Variants in NDRG1 observed in about 807,000 individuals in gnomAD.
NDRG1 encodes N-myc downstream regulated 1, also known as protein NDRG1.
A neutral mutation model predicts 56.9 loss-of-function variants in NDRG1; 32 were observed. That is an observed-to-expected ratio of 0.56 (90% CI 0.42 to 0.76). The LOEUF is 0.76. NDRG1 is among the 30% of genes least tolerant of loss of function. NDRG1 has a pLI of 0.00. For missense variants in NDRG1, 507 were observed against 545.7 expected, an observed-to-expected ratio of 0.93 and a Z score of 0.71; for synonymous variants, 211 against 204.1, an observed-to-expected ratio of 1.03 and a Z score of -0.29.
At chr8:133,260,504 C>G (rs1049516568) in intron 5 of NDRG1, among the ~76,000 whole-genome samples, 2 of 152,148 alleles carry the variant, frequency 1.3e-5, no homozygotes, top group East Asian at 1.9e-4. Flanking sequence ...AATAAAAATT[C>G]CTGGGGGTGG....
chr8:133,255,828 C>T (rs926368122), intron 8 of NDRG1: 1 of 159,762 alleles, frequency 6.3e-6, no homozygotes, highest in African/African-American at 2.4e-5. Context: ...GCTTGAAAGA[C>T]TCTGTCCTAT....
At chr8:133,248,569 G>A in intron 11 of NDRG1, 146 bp downstream of exon 11, 2 of 1,002,520 alleles carry the variant, frequency 2.0e-6, no homozygotes, top group South Asian at 1.3e-5. Flanking sequence ...AGTCAGGCTG[G>A]GTAATGCTCA....
intron 1 of NDRG1, among the ~76,000 whole-genome samples, chr8:133,292,270 T>TC (rs921567198): frequency 1.1e-4 from 17 of 152,188 alleles, no homozygotes; most frequent in African/African-American, 3.9e-4. Flanking sequence ...GAACCCTTTG[T>TC]CCCGAGATGG....
In NDRG1 at chr8:133,239,198, A is replaced by G. The variant is rs1475324199; in HGVS notation, c.944-79T>C. The G allele has an allele frequency of 3.9e-6, 6 of 1,541,044 alleles. No individual in the cohort carries two copies. In the East Asian group the frequency reaches 1.5e-4, roughly 38 times the overall value. On this transcript the variant is annotated intron_variant, in intron 15 of 15. Transcript: ENST00000323851. Reference sequence around the variant, plus strand: ...CCAGGCATGCCCGTCCACCAGCCACATGCTCTTCTACGTGCCAGCCCCAGA... The same window carrying G: ...CCAGGCATGCCCGTCCACCAGCCACGTGCTCTTCTACGTGCCAGCCCCAGA...
At chr8:133,248,566 C>T in intron 11 of NDRG1, 149 bp downstream of exon 11, 1 of 982,154 alleles carries the variant, frequency 1.0e-6, no homozygotes. Flanking sequence ...CCAAGTCAGG[C>T]TGGGTAATGC....
At position 133,259,016 on chromosome 8, in the gene NDRG1, A is replaced by G; in HGVS notation, c.389+152T>C. 4 of 791,402 alleles carry G rather than the reference A, an allele frequency of 5.1e-6. No homozygotes were observed. In the South Asian group the frequency reaches 5.5e-5, roughly 11 times the overall value. The allele number at this position is 791,402 out of a possible 1,614,324, so 49.0% of individuals were successfully genotyped here. On this transcript the variant is annotated intron_variant, in intron 6 of 15. Coordinates refer to ENST00000323851, the MANE Select transcript of NDRG1 (RefSeq NM_006096.4). ...AGAGCTCAGAGACTGTGTGAAGAAC[A>G]GTGTTCACAGAGTGACGAGCTAATT...
At chr8:133,283,290 T>G (rs1163914475) in intron 2 of NDRG1, among the ~76,000 whole-genome samples, 1 of 152,198 alleles carries the variant, frequency 6.6e-6, no homozygotes, top group Non-Finnish European at 1.5e-5. Flanking sequence ...GCATGGTAAT[T>G]ATCACTTTTA....
At chr8:133,289,168 G>A (rs780541784) in intron 1 of NDRG1, among the ~76,000 whole-genome samples, 39 of 151,994 alleles carry the variant, frequency 2.6e-4, no homozygotes, top group Admixed American at 9.8e-4. Context: ...CTCCTACTCC[G>A]GCCTCCTGAG....
rs758205425 is a variant in NDRG1, at chr8:133,284,282, G to A, written c.30C>T (p.Leu10=). ...TCTCCACCAAAGGCTTCACCTCAGC[G>A]AGGTCTACATCCTGCATCTCCCGAG... MSREMQDVD[L]AEVKPLVEKG... The change falls in exon 2 of 16, where the codon CTC becomes CTT. Residue 10 remains leucine (L), a synonymous_variant. Coordinates refer to ENST00000323851, the MANE Select transcript of NDRG1 (RefSeq NM_006096.4). 60 of 1,614,154 alleles carry A rather than the reference G, an allele frequency of 3.7e-5. No individual in the cohort carries two copies. Among genetic ancestry groups the A allele is most frequent in the Non-Finnish European group, 4.8e-5 (57 of 1,180,026 alleles).
At chr8:133,256,740 G>T in intron 8 of NDRG1, 37 bp downstream of exon 8, 2 of 1,600,868 alleles carry the variant, frequency 1.2e-6, no homozygotes, top group Non-Finnish European at 1.7e-6. Flanking sequence ...CCCTCTTCTT[G>T]CAGGGATCCC....
intron 2 of NDRG1, among the ~76,000 whole-genome samples, chr8:133,282,185 T>C (rs924371140): frequency 6.6e-6 from 1 of 152,150 alleles, no homozygotes; most frequent in Non-Finnish European, 1.5e-5. Context: ...CCGAAATAAA[T>C]AAAAAATGTT....
At chr8:133,284,436 G>A in intron 1 of NDRG1, 107 bp from the exon 2 acceptor site, 5 of 962,970 alleles carry the variant, frequency 5.2e-6, no homozygotes, top group South Asian at 1.4e-5. Flanking sequence ...GCTCTGCCCA[G>A]CAGCTTCACC....
At chr8:133,250,311 C>G (rs534149039) in intron 10 of NDRG1, 129 bp downstream of exon 10, 14 of 876,624 alleles carry the variant, frequency 1.6e-5, no homozygotes, top group African/African-American at 1.3e-4. Flanking sequence ...TCCTATTAAT[C>G]TATTTGCTCA....
At chr8:133,271,387 T>C (rs1049789585) in intron 3 of NDRG1, among the ~76,000 whole-genome samples, 1 of 152,084 alleles carries the variant, frequency 6.6e-6, no homozygotes, top group African/African-American at 2.4e-5. Flanking sequence ...CAAGAGAGAA[T>C]GTCAGGGGCC....
chr8:133,241,340 T>C (rs1855371765), intron 15 of NDRG1: 1 of 156,826 alleles, frequency 6.4e-6, no homozygotes. Context: ...AAAGGCTGTA[T>C]GTGTCTAACA....
chr8:133,272,522 C>T (rs187496530), intron 3 of NDRG1, among the ~76,000 whole-genome samples: 4 of 152,300 alleles, frequency 2.6e-5, no homozygotes, highest in South Asian at 2.1e-4. Context: ...CACTCGCTGC[C>T]GCTCACTGCA....
chr8:133,293,376 G>A (rs919142678), intron 1 of NDRG1, among the ~76,000 whole-genome samples: 1 of 152,244 alleles, frequency 6.6e-6, no homozygotes, highest in South Asian at 2.1e-4. Context: ...GGCCCAGAGG[G>A]TGTGGGTGGC....
intron 5 of NDRG1, among the ~76,000 whole-genome samples, chr8:133,260,553 G>A (rs762398406): frequency 6.6e-6 from 1 of 152,172 alleles, no homozygotes; most frequent in Non-Finnish European, 1.5e-5. Context: ...TTCACCAGGG[G>A]GAACTAAGAG....
chr8:133,239,294 T>G lies in NDRG1; in HGVS notation c.944-175A>C, dbSNP rs527246669. ...CTCCATGTCCACTCGGAGAGAGAGA[T>G]GGCAAGGCCCAGATGCGGGAAGGAA... is the stretch of plus-strand genomic sequence containing the variant. On this transcript the variant is annotated intron_variant, in intron 15 of 15. Coordinates refer to ENST00000323851, the MANE Select transcript of NDRG1 (RefSeq NM_006096.4). The G allele has an allele frequency of 1.1e-3, 1,126 of 1,046,212 alleles. 10 individuals carry two copies. The African/African-American group carries it at 0.016, about 15-fold the overall frequency. 64.8% of individuals were successfully genotyped at this position (1,046,212 alleles called of 1,614,324 possible).
Sources: gnomAD v4.1 joint callset for allele counts (sites outside exome capture counted in the v4.1 genomes callset) on GRCh38, gnomAD v4.1.1 for gene constraint, MANE v1.5 for transcripts, NCBI Gene and HGNC (gene_info 2026-07-23, HGNC 2026-07-21) for gene names.